SYNE1: variants seen among roughly 807,000 people sequenced by gnomAD.
The protein encoded by SYNE1 is spectrin repeat containing nuclear envelope protein 1, also known as nesprin-1.
SYNE1 carries 616 observed loss-of-function variants against 1,111.0 expected under a neutral mutation model. That is an observed-to-expected ratio of 0.55 (90% confidence interval 0.52 to 0.59). The LOEUF (loss-of-function observed/expected upper bound fraction) is 0.59. SYNE1 is among the 20% of genes least tolerant of loss of function. SYNE1 has a pLI of 0.00. For synonymous variants in SYNE1, 3,855 were observed against 3,825.8 expected (o/e 1.01, Z -0.28); for missense variants, 10,006 against 10,417.0 (o/e 0.96, Z 1.72).
intron 61 of SYNE1, 88 bp from the exon 62 acceptor site, chr6:152,367,470 G>A: frequency 6.7e-7 from 1 of 1,498,058 alleles, no homozygotes; most frequent in Non-Finnish European, 9.2e-7. Context: ...AAGGCAATCA[G>A]TCATGGCTTC....
chr6:152,242,840 A>T (rs2086072554), intron 106 of SYNE1, among the ~76,000 whole-genome samples: 1 of 152,220 alleles, frequency 6.6e-6, no homozygotes, highest in African/African-American at 2.4e-5. Context: ...TGTAAGTATG[A>T]AGTCACTGAA....
chr6:152,409,252 A>C, intron 43 of SYNE1, 26 bp from the exon 44 acceptor site: 1 of 1,607,956 alleles, frequency 6.2e-7, no homozygotes, highest in East Asian at 2.2e-5. Context: ...TTCTTAATTA[A>C]TAAAATAGTC....
intron 100 of SYNE1, 72 bp downstream of exon 100, chr6:152,267,984 G>T: frequency 1.5e-6 from 2 of 1,349,858 alleles, no homozygotes; most frequent in Non-Finnish European, 2.1e-6. Flanking sequence ...AAAATTTTGA[G>T]TGAGATGTTT....
At chr6:152,161,414 T>C (rs980249301) in intron 131 of SYNE1, among the ~76,000 whole-genome samples, 1 of 151,434 alleles carries the variant, frequency 6.6e-6, no homozygotes. Context: ...TTTATGTCTA[T>C]ATTTCTCTCC....
Position 152,278,624 on chromosome 6 carries a change from G to A in SYNE1, c.18382-344C>T, listed in dbSNP as rs1021214936. On this transcript the variant is annotated intron_variant, in intron 97 of 145. Transcript: ENST00000367255. ...ACTACAGGCGCCCACCACTATGCCCGGCTACTGTTTTGTTTTTTAGTAGAG... is the reference window on the plus strand; with the variant it reads ...ACTACAGGCGCCCACCACTATGCCCAGCTACTGTTTTGTTTTTTAGTAGAG... 6.6e-5 allele frequency among the ~76,000 whole-genome samples: 10 copies of A among 151,954 alleles called. 1 individual carries two copies. In the South Asian group the frequency reaches 2.1e-3, roughly 32 times the overall value.
chr6:152,369,602 G>T lies in SYNE1; in HGVS notation c.9520C>A (p.Gln3174Lys). 6.2e-7 allele frequency: 1 copy of T among 1,614,088 alleles called. No individual in the cohort carries two copies. Among genetic ancestry groups the T allele is most frequent in the Non-Finnish European group, 8.5e-7 (1 of 1,180,006 alleles). Residue 3174 changes from glutamine (Q) to lysine (K), a missense_variant, in exon 60 of 146, where the codon CAA (glutamine) becomes AAA (lysine). Coordinates refer to ENST00000367255, the MANE Select transcript of SYNE1 (RefSeq NM_182961.4). ...GCACTTACTTCAAAGTCCTTCATTT[G>T]GATCTTTAGATTCTGCAAGGTTTTA... ...KESALENLKIQMKDFEVSAEP... is the reference protein window; with the variant it reads ...KESALENLKIKMKDFEVSAEP...
chr6:152,456,974 G>T (rs1332999660), intron 22 of SYNE1, among the ~76,000 whole-genome samples: 1 of 152,006 alleles, frequency 6.6e-6, no homozygotes, highest in Admixed American at 6.6e-5. Context: ...AGTCCAAAAT[G>T]TATTATTAGA....
chr6:152,205,523 T>A (rs1231938506), intron 126 of SYNE1, among the ~76,000 whole-genome samples: 3 of 152,246 alleles, frequency 2.0e-5, no homozygotes, highest in Admixed American at 1.3e-4. Flanking sequence ...CTTGAGATTA[T>A]CTTATTTTAG....
intron 36 of SYNE1, 31 bp downstream of exon 36, chr6:152,430,080 TA>T (rs758044432): frequency 7.0e-7 from 1 of 1,435,944 alleles, no homozygotes; most frequent in African/African-American, 1.4e-5. Context: ...TTTAAGTTGG[TA>T]AATAGTAGAA....
intron 131 of SYNE1, among the ~76,000 whole-genome samples, chr6:152,156,506 T>A (rs1362745696): frequency 6.6e-6 from 1 of 152,244 alleles, no homozygotes; most frequent in Non-Finnish European, 1.5e-5. Flanking sequence ...AACCCATGGA[T>A]GCTTAAGTCC....
chr6:152,376,462 A>T lies in SYNE1; in HGVS notation c.9243T>A (p.Val3081=), dbSNP rs770649268. 1.9e-6 allele frequency: 3 copies of T among 1,614,080 alleles called. No homozygotes were observed. The highest frequency in any genetic ancestry group is 2.7e-5 in the African/African-American group (2 of 74,928). The change falls in exon 58 of 146, where the codon GTT becomes GTA. Residue 3081 remains valine (V), a synonymous_variant. Coordinates refer to ENST00000367255, the MANE Select transcript of SYNE1 (RefSeq NM_182961.4). The part of the protein sequence containing the change: ...KAFRDFQQWL[V]NAKITTAKCF... The stretch of plus-strand genomic sequence containing the variant: ...ACTTGGCGGTAGTGATTTTTGCATT[A>T]ACCAACCACTGCTGGAAATCCCTGA...
intron 126 of SYNE1, 115 bp downstream of exon 126, chr6:152,206,053 C>G: frequency 9.4e-7 from 1 of 1,065,942 alleles, no homozygotes; most frequent in East Asian, 2.6e-5. Flanking sequence ...AATCAAAATA[C>G]TGCAGGGTAT....
intron 62 of SYNE1, chr6:152,366,931 TA>T (rs572925901): frequency 5.0e-4 from 282 of 567,386 alleles, no homozygotes; most frequent in African/African-American, 4.8e-3. Context: ...TATTTTCCCA[TA>T]ATGAATATGT....
At chr6:152,166,942 A>G (rs1156856746) in intron 130 of SYNE1, among the ~76,000 whole-genome samples, 1 of 152,002 alleles carries the variant, frequency 6.6e-6, no homozygotes, top group Non-Finnish European at 1.5e-5. Flanking sequence ...TCTTTCCATT[A>G]TTTCTTTAAA....
rs1055353181 is a variant in SYNE1, at chr6:152,168,356, A to G, written c.23628-4031T>C. On this transcript the variant is annotated intron_variant, in intron 130 of 145. Coordinates refer to ENST00000367255, the MANE Select transcript of SYNE1 (RefSeq NM_182961.4). ...TCTGCCCGATAACATGACACTGGGC[A>G]GTGACAAGTGGTCATGTTTCTAAAT... 2.9e-5 allele frequency: 17 copies of G among 586,814 alleles called. No individual in the cohort carries two copies. In the Admixed American group the frequency reaches 4.8e-4, roughly 17 times the overall value. 36.4% of individuals were successfully genotyped at this position (586,814 alleles called of 1,614,324 possible).
At chr6:152,620,915 T>G (rs2099673963) in intron 3 of SYNE1, among the ~76,000 whole-genome samples, 1 of 152,138 alleles carries the variant, frequency 6.6e-6, no homozygotes, top group Admixed American at 6.6e-5. Flanking sequence ...GGTGAATAGG[T>G]TAGATACATA....
At chr6:152,210,941 G>T (rs1183001965) in intron 124 of SYNE1, among the ~76,000 whole-genome samples, 1 of 152,164 alleles carries the variant, frequency 6.6e-6, no homozygotes, top group East Asian at 1.9e-4. Context: ...TTCAAACACA[G>T]AATTCTCATG....
chr6:152,346,657 A>G (rs970595588), intron 73 of SYNE1, among the ~76,000 whole-genome samples: 10 of 151,922 alleles, frequency 6.6e-5, no homozygotes, highest in African/African-American at 2.4e-4. Context: ...AAAAATACAA[A>G]AAATTAGCCA....
intron 3 of SYNE1, among the ~76,000 whole-genome samples, chr6:152,608,184 A>G (rs2099621585): frequency 6.6e-6 from 1 of 152,180 alleles, no homozygotes; most frequent in Non-Finnish European, 1.5e-5. Flanking sequence ...AAATAATAAA[A>G]AACATTAAAG....
Sources: allele counts gnomAD v4.1 joint callset (sites outside exome capture counted in the v4.1 genomes callset), GRCh38; gene constraint gnomAD v4.1.1; transcripts MANE v1.5; gene names NCBI Gene and HGNC (gene_info 2026-07-23, HGNC 2026-07-21).